The following SLC30A5 variants were observed in gnomAD, a reference collection of about 807,000 sequenced individuals.
SLC30A5 encodes the protein solute carrier family 30 member 5, also known as proton-coupled zinc antiporter SLC30A5.
A neutral mutation model predicts 79.6 loss-of-function variants in SLC30A5; 33 were observed. The observed-to-expected ratio is 0.41, with a 90% CI of 0.31 to 0.55. SLC30A5 has a LOEUF of 0.55. Ranked by LOEUF, SLC30A5 falls within the 20% of genes least tolerant of loss-of-function variation. SLC30A5 has a pLI of 0.20. For missense variants in SLC30A5, 788 were observed against 928.1 expected (o/e 0.85, Z 1.96); for synonymous variants, 299 against 319.7 (o/e 0.94, Z 0.69).
intron 5 of SLC30A5, among the ~76,000 whole-genome samples, chr5:69,109,148 A>G (rs1746163952): frequency 6.6e-6 from 1 of 152,194 alleles, no homozygotes; most frequent in Non-Finnish European, 1.5e-5. Context: ...TAGGGTGACT[A>G]TAATCAACAA....
chr5:69,100,986 T>G (rs1745900397), intron 2 of SLC30A5, 57 bp downstream of exon 2: 1 of 1,485,242 alleles, frequency 6.7e-7, no homozygotes, highest in Non-Finnish European at 9.1e-7. Context: ...AAATCCTGTT[T>G]TAACAGAGTA....
intron 5 of SLC30A5, among the ~76,000 whole-genome samples, chr5:69,108,801 A>C (rs1218484839): frequency 1.3e-5 from 2 of 149,392 alleles, no homozygotes; most frequent in African/African-American, 5.0e-5. Flanking sequence ...CAACCTGGGC[A>C]ATAGAGTGAG....
At chr5:69,123,152 A>G in intron 13 of SLC30A5, 47 bp from the exon 14 acceptor site, 1 of 1,367,560 alleles carries the variant, frequency 7.3e-7, no homozygotes, top group South Asian at 1.3e-5. Context: ...AAAAAACTAA[A>G]TTAGATGTGC....
chr5:69,107,369 A>AC (rs1746106654), intron 4 of SLC30A5, among the ~76,000 whole-genome samples: 1 of 151,900 alleles, frequency 6.6e-6, no homozygotes. Flanking sequence ...TTTACAGTTA[A>AC]CTTTTTTTTT....
At chr5:69,113,868 T>C (rs1746296222) in intron 6 of SLC30A5, among the ~76,000 whole-genome samples, 1 of 152,238 alleles carries the variant, frequency 6.6e-6, no homozygotes, top group Non-Finnish European at 1.5e-5. Context: ...TAATTTTCTT[T>C]GTTACAGTGA....
intron 1 of SLC30A5, among the ~76,000 whole-genome samples, chr5:69,098,935 C>T (rs1411051633): frequency 6.6e-6 from 1 of 152,050 alleles, no homozygotes; most frequent in Admixed American, 6.6e-5. Context: ...ATAAAAATAC[C>T]CACAATTAAA....
At chr5:69,097,027 T>G (rs545424199) in intron 1 of SLC30A5, among the ~76,000 whole-genome samples, 1 of 148,276 alleles carries the variant, frequency 6.7e-6, no homozygotes, top group African/African-American at 2.5e-5. Context: ...AAAAAAAAAG[T>G]AAATGTATAT....
In SLC30A5 at chr5:69,117,306, T is replaced by G. The variant is rs930183884; in HGVS notation, c.1349T>G (p.Phe450Cys). The G allele has an allele frequency of 7.4e-6, 12 of 1,613,894 alleles. No homozygotes were observed. The highest frequency in any genetic ancestry group is 1.0e-5 in the Non-Finnish European group (12 of 1,179,958). The stretch of plus-strand genomic sequence containing the variant: ...AGTCTGGGCCTGATCTCGGATGGAT[T>G]CCACATGCTTTTTGACTGCTCTGCT... ...TNSLGLISDG[F>C]HMLFDCSALV... Residue 450 changes from phenylalanine (F) to cysteine (C), a missense_variant, in exon 11 of 16, where the codon TTC becomes TGC. Phe to Cys is a radical substitution (Grantham distance 205, BLOSUM62 -2). Coordinates refer to ENST00000396591, the MANE Select transcript of SLC30A5 (RefSeq NM_022902.5).
intron 5 of SLC30A5, among the ~76,000 whole-genome samples, 159 bp downstream of exon 5, chr5:69,108,595 G>A (rs1272835836): frequency 6.6e-6 from 1 of 152,142 alleles, no homozygotes; most frequent in Non-Finnish European, 1.5e-5. Flanking sequence ...GCTGAGGTGG[G>A]CGGATTACAT....
chr5:69,116,150 C>T lies in SLC30A5; in HGVS notation c.1008C>T (p.His336=), dbSNP rs569632713. 6.2e-7 allele frequency: 1 copy of T among 1,614,144 alleles called. No individual in the cohort carries two copies. The highest frequency in any genetic ancestry group is 8.5e-7 in the Non-Finnish European group (1 of 1,180,032). The change falls in exon 9 of 16, where the codon CAC becomes CAT. Residue 336 remains histidine (H), a synonymous_variant. Transcript: ENST00000396591. This position sits in a 1 kb window ranked among gnomAD's most constrained non-coding sequence, Gnocchi z 4.0. The part of the protein sequence containing the change: ...DQLRAMNKAA[H]QESTEHVLSG... Reference sequence around the variant, plus strand: ...TTCGGGCTATGAACAAAGCAGCACACCAGGAGAGCACTGAACACGTCCTGT... The same window carrying T: ...TTCGGGCTATGAACAAAGCAGCACATCAGGAGAGCACTGAACACGTCCTGT...
At chr5:69,115,189 G>A (rs761809444) in intron 7 of SLC30A5, 48 bp from the exon 8 acceptor site, 12 of 915,636 alleles carry the variant, frequency 1.3e-5, no homozygotes, top group Non-Finnish European at 2.0e-5. Context: ...ACGACTGACT[G>A]TTGAACTGTG....
At chr5:69,106,458 A>G (rs1272670834) in intron 4 of SLC30A5, among the ~76,000 whole-genome samples, 1 of 152,094 alleles carries the variant, frequency 6.6e-6, no homozygotes, top group Non-Finnish European at 1.5e-5. Flanking sequence ...TTGGTTCCCT[A>G]TTTAGTCATC....
intron 2 of SLC30A5, chr5:69,102,815 C>T (rs574891907): frequency 1.1e-4 from 23 of 204,180 alleles, no homozygotes; most frequent in African/African-American, 4.6e-4. Flanking sequence ...GAGCCAAGAT[C>T]GTGCCACTGC....
chr5:69,130,587 G>C lies in SLC30A5; in HGVS notation c.*970G>C, dbSNP rs1746823881. On this transcript the variant is annotated 3_prime_UTR_variant, in exon 16 of 16. Coordinates refer to ENST00000396591, the MANE Select transcript of SLC30A5 (RefSeq NM_022902.5). ...TATAAGAAATATCAAAGAATAGGTA[G>C]TTATTTCAAAGTTTAATAAGTAAAA... The C allele has an allele frequency of 6.6e-6, 1 of 152,110 alleles. No individual in the cohort carries two copies. The highest frequency in any genetic ancestry group is 6.6e-5 in the Admixed American group (1 of 15,264). 9.4% of individuals were successfully genotyped at this position (152,110 alleles called of 1,614,324 possible).
chr5:69,100,829 CTA>C lies in SLC30A5; in HGVS notation c.108_109del (p.Cys37PhefsTer3), dbSNP rs773400688. ...CAGATTAACAAAATATATTGTGTTA[CTA>C]TGTTTCACTAAATTTTTGAAGGCTG... The part of the protein sequence containing the change: ...SARLTKYIVL[L>X]CFTKFLKAVG... On this transcript the variant is annotated frameshift_variant, in exon 2 of 16. Transcript: ENST00000396591. LOFTEE classifies it high-confidence loss of function. The C allele has an allele frequency of 6.3e-7, 1 of 1,599,512 alleles. No homozygotes were observed. The highest frequency in any genetic ancestry group is 8.6e-7 in the Non-Finnish European group (1 of 1,168,598).
chr5:69,126,773 A>AAAAC (rs1322993898), intron 14 of SLC30A5, among the ~76,000 whole-genome samples: 1 of 151,218 alleles, frequency 6.6e-6, no homozygotes. Context: ...CTGTCTTAAA[A>AAAAC]AAACAAACAA....
At chr5:69,107,828 G>A (rs1746122655) in intron 4 of SLC30A5, among the ~76,000 whole-genome samples, 1 of 151,720 alleles carries the variant, frequency 6.6e-6, no homozygotes, top group African/African-American at 2.4e-5. Flanking sequence ...CACCTCCCGA[G>A]TTCAAGTGAT....
intron 4 of SLC30A5, among the ~76,000 whole-genome samples, chr5:69,107,353 A>C (rs1458131510): frequency 6.6e-6 from 1 of 152,192 alleles, no homozygotes; most frequent in Non-Finnish European, 1.5e-5. Flanking sequence ...ACCTGTCTGA[A>C]GCTATTTTAC....
intron 1 of SLC30A5, among the ~76,000 whole-genome samples, chr5:69,100,168 A>G (rs1183889299): frequency 6.6e-6 from 1 of 152,142 alleles, no homozygotes; most frequent in Non-Finnish European, 1.5e-5. Context: ...AGTTTTCGCC[A>G]TGTTGGCCAG....
Sources: gnomAD v4.1 joint callset for allele counts (sites outside exome capture counted in the v4.1 genomes callset) on GRCh38, gnomAD v4.1.1 for gene constraint, Gnocchi (gnomAD v3.1) non-coding constraint, MANE v1.5 for transcripts, NCBI Gene and HGNC (gene_info 2026-07-23, HGNC 2026-07-21) for gene names.